The following CCNF variants were observed in gnomAD, a reference collection of about 807,000 sequenced individuals.
CCNF encodes the protein cyclin-F.
A neutral mutation model predicts 85.4 loss-of-function variants in CCNF; 30 were observed. That is an observed-to-expected ratio of 0.35 (90% confidence interval 0.26 to 0.48). CCNF has a LOEUF of 0.48. Among genes scored for constraint, CCNF ranks in the 20% least tolerant of loss-of-function variants. The pLI is 0.99. For synonymous variants in CCNF, 439 were observed against 425.1 expected, an observed-to-expected ratio of 1.03 and a Z score of -0.40; for missense variants, 919 against 1,010.4, an observed-to-expected ratio of 0.91 and a Z score of 1.23.
chr16:2,449,967 G>A (rs754274230), intron 13 of CCNF, 52 bp downstream of exon 13: 2 of 1,286,722 alleles, frequency 1.6e-6, no homozygotes, highest in South Asian at 2.4e-5. Context: ...AGCACTTTGG[G>A]AGGCCGAGGC....
chr16:2,438,946 C>G (rs760281253), intron 6 of CCNF, among the ~76,000 whole-genome samples: 13 of 151,180 alleles, frequency 8.6e-5, no homozygotes, highest in Admixed American at 2.7e-4. Context: ...TTTAGTTAGC[C>G]AAGATCGTGC....
At chr16:2,439,879 T>A in intron 8 of CCNF, 53 bp downstream of exon 8, 1 of 1,494,630 alleles carries the variant, frequency 6.7e-7, no homozygotes, top group Non-Finnish European at 9.3e-7. Context: ...CCCTCCAGCC[T>A]TGGGGCAGGA....
At chr16:2,437,396 G>T in intron 5 of CCNF, 74 bp downstream of exon 5, 1 of 1,178,560 alleles carries the variant, frequency 8.5e-7, no homozygotes, top group Admixed American at 2.8e-5. Context: ...CCCGAGGGTA[G>T]ATCCTGGACC....
chr16:2,431,853 C>G (rs1350979566), intron 2 of CCNF, among the ~76,000 whole-genome samples: 1 of 142,330 alleles, frequency 7.0e-6, no homozygotes, highest in African/African-American at 2.7e-5. Context: ...TTTTTTGAGA[C>G]AGAGTCTCGC....
Position 2,453,337 on chromosome 16 carries a change from T to C in CCNF, c.1587+28T>C. The C allele has an allele frequency of 1.2e-6, 2 of 1,613,836 alleles. No individual in the cohort carries two copies. Among genetic ancestry groups the C allele is most frequent in the South Asian group, 1.1e-5 (1 of 91,084 alleles). On this transcript the variant is annotated intron_variant, in intron 14 of 16. Coordinates refer to ENST00000397066, the MANE Select transcript of CCNF (RefSeq NM_001761.3). The surrounding 1 kb of genome is among the most constrained non-coding windows in gnomAD (Gnocchi z 5.6). ...GCCTCCCTCCCGCCACCTGGGCGTC[T>C]CATGGGGTGCTGGGGTGTGGGCGGG... is the stretch of plus-strand genomic sequence containing the variant.
intron 10 of CCNF, among the ~76,000 whole-genome samples, chr16:2,447,794 C>G (rs764342076): frequency 1.3e-5 from 2 of 152,132 alleles, no homozygotes; most frequent in Non-Finnish European, 2.9e-5. Context: ...CCCCCCACCT[C>G]TGCTCTCAGA....
At chr16:2,445,295 G>GA (rs2065355344) in intron 9 of CCNF, 163 bp from the exon 10 acceptor site, 1 of 755,228 alleles carries the variant, frequency 1.3e-6, no homozygotes, top group South Asian at 1.7e-5. Flanking sequence ...GGAGCCTCCC[G>GA]GGCTTCCTGT....
intron 3 of CCNF, 45 bp downstream of exon 3, chr16:2,433,112 C>T: frequency 2.4e-6 from 3 of 1,267,146 alleles, no homozygotes; most frequent in South Asian, 1.3e-5. Flanking sequence ...CCTGCCTTGG[C>T]CTCCCTATGT....
chr16:2,440,395 G>A (rs1296792206), intron 8 of CCNF, among the ~76,000 whole-genome samples: 1 of 152,192 alleles, frequency 6.6e-6, no homozygotes, highest in East Asian at 1.9e-4. Context: ...AAGGTGGGCG[G>A]ATGACCTGAG....
At chr16:2,430,784 A>T (rs556548653) in intron 1 of CCNF, among the ~76,000 whole-genome samples, 1 of 152,312 alleles carries the variant, frequency 6.6e-6, no homozygotes, top group African/African-American at 2.4e-5. Context: ...AGTGAAATAG[A>T]AGGAAAACCG....
At chr16:2,432,443 C>T (rs558357760) in intron 2 of CCNF, among the ~76,000 whole-genome samples, 1 of 152,250 alleles carries the variant, frequency 6.6e-6, no homozygotes, top group East Asian at 1.9e-4. Flanking sequence ...AACTTTGGTG[C>T]TTAAAGTGTT....
Position 2,431,132 on chromosome 16 carries a change from G to C in CCNF, c.19G>C (p.Val7Leu), listed in dbSNP as rs748315822. The part of the protein sequence containing the change: MGSGGV[V>L]HCRCAKCFCY... ...GCTTCTGTCTTTTTTTCCTTCAGTGGTCCACTGTAGGTGTGCCAAGTGTTT... is the reference window on the plus strand; with the variant it reads ...GCTTCTGTCTTTTTTTCCTTCAGTGCTCCACTGTAGGTGTGCCAAGTGTTT... The change falls in exon 2 of 17, where the codon GTC becomes CTC. Residue 7 changes from valine to leucine, a missense_variant and splice_region_variant. Coordinates refer to ENST00000397066, the MANE Select transcript of CCNF (RefSeq NM_001761.3). The C allele has an allele frequency of 6.2e-7, 1 of 1,612,574 alleles. No individual in the cohort carries two copies.
At chr16:2,434,355 C>T (rs947768212) in intron 3 of CCNF, among the ~76,000 whole-genome samples, 1 of 152,118 alleles carries the variant, frequency 6.6e-6, no homozygotes, top group African/African-American at 2.4e-5. Flanking sequence ...TGGCTCACGC[C>T]TGTAATCCCA....
At chr16:2,440,527 G>A (rs1489004091) in intron 8 of CCNF, among the ~76,000 whole-genome samples, 5 of 152,082 alleles carry the variant, frequency 3.3e-5, no homozygotes, top group Non-Finnish European at 5.9e-5. Flanking sequence ...AGAATCGCTT[G>A]AACCCGGGAG....
Position 2,452,403 on chromosome 16 carries a change from G to C in CCNF, c.1488-807G>C, listed in dbSNP as rs1005323492. Among the ~76,000 whole-genome samples the C allele has an allele frequency of 1.3e-5, 2 of 152,174 alleles. No individual in the cohort carries two copies. The highest frequency in any genetic ancestry group is 1.9e-4 in the East Asian group (1 of 5,192). On this transcript the variant is annotated intron_variant, in intron 13 of 16. Transcript: ENST00000397066. The surrounding 1 kb of genome is among the most constrained non-coding windows in gnomAD (Gnocchi z 4.1). ...CAAGGAACGAGGCTGACAGTAGAAG[G>C]GTTCGCATGGGTCTCGTCCCACCCA...
intron 6 of CCNF, 28 bp from the exon 7 acceptor site, chr16:2,439,325 C>T (rs747066355): frequency 4.0e-6 from 6 of 1,517,848 alleles, no homozygotes; most frequent in Non-Finnish European, 3.6e-6. Flanking sequence ...AATAAGGGAA[C>T]AATGAACTCT....
intron 2 of CCNF, among the ~76,000 whole-genome samples, chr16:2,432,383 C>A (rs1440274917): frequency 1.3e-5 from 2 of 152,102 alleles, no homozygotes; most frequent in African/African-American, 4.8e-5. Flanking sequence ...ATTGCAGGTG[C>A]GACACACTTT....
In CCNF at chr16:2,443,817, G is replaced by A. The variant is rs201858204; in HGVS notation, c.929+17G>A. On this transcript the variant is annotated intron_variant, in intron 9 of 16. Coordinates refer to ENST00000397066, the MANE Select transcript of CCNF (RefSeq NM_001761.3). ...CACAATGAGGTGAGGCATTCAGGCCGGGGCTTCTAATCAGAGCGGCGCGGA... is the reference window on the plus strand; with the variant it reads ...CACAATGAGGTGAGGCATTCAGGCCAGGGCTTCTAATCAGAGCGGCGCGGA... The A allele has an allele frequency of 1.5e-5, 24 of 1,613,044 alleles. No individual in the cohort carries two copies. Among genetic ancestry groups the A allele is most frequent in the East Asian group, 6.7e-5 (3 of 44,856 alleles).
In CCNF at chr16:2,438,457, T is replaced by C. The variant is rs1034915238; in HGVS notation, c.594+334T>C. Among the ~76,000 whole-genome samples the C allele has an allele frequency of 2.6e-5, 4 of 152,088 alleles. No homozygotes were observed. The South Asian group carries it at 8.3e-4, about 32-fold the overall frequency. On this transcript the variant is annotated intron_variant, in intron 6 of 16. Transcript: ENST00000397066. ...TGTGGACCTCTCTGCCTGGCCAAAA[T>C]GGTGAAACCACGTCTTTACTAAAAA...
Sources: allele counts gnomAD v4.1 joint callset (sites outside exome capture counted in the v4.1 genomes callset), GRCh38; gene constraint gnomAD v4.1.1; non-coding constraint Gnocchi (gnomAD v3.1); transcripts MANE v1.5; gene names NCBI Gene and HGNC (gene_info 2026-07-23, HGNC 2026-07-21).